XPO7: variants seen among roughly 807,000 people sequenced by gnomAD.
The protein encoded by XPO7 is exportin 7.
In XPO7, 21 loss-of-function variants were observed where a neutral mutation model predicts 144.3. The observed-to-expected ratio is 0.15, with a 90% confidence interval of 0.10 to 0.21. XPO7 has a LOEUF of 0.21. Ranked by LOEUF, XPO7 falls within the 10% of genes least tolerant of loss-of-function variation. The probability of loss-of-function intolerance (pLI) is 1.00; values close to 1 mark genes in which losing one functional copy is unlikely to be tolerated. For missense variants in XPO7, 808 were observed against 1,325.8 expected, an observed-to-expected ratio of 0.61 and a Z score of 6.06; for synonymous variants, 580 against 499.6, an observed-to-expected ratio of 1.16 and a Z score of -2.15.
intron 1 of XPO7, among the ~76,000 whole-genome samples, chr8:21,927,395 T>C (rs1412521935): frequency 1.3e-5 from 2 of 152,096 alleles, no homozygotes; most frequent in African/African-American, 4.8e-5. Context: ...GAGCAAGAAG[T>C]TTTAATTTCA....
intron 16 of XPO7, among the ~76,000 whole-genome samples, chr8:21,989,821 CTTTTTTTTTTTTTTT>C (rs1170364778): frequency 6.7e-5 from 4 of 59,674 alleles, no homozygotes; most frequent in Admixed American, 2.5e-4. Flanking sequence ...TAGGTGTTTC[CTTTTTTTTTTTTTTT>C]TTTTTTTTTT....
At position 21,986,199 on chromosome 8, in the gene XPO7, G is replaced by A. The variant is rs372147031; in HGVS notation, c.1577+508G>A. On this transcript the variant is annotated intron_variant, in intron 13 of 27. Coordinates refer to ENST00000252512, the MANE Select transcript of XPO7 (RefSeq NM_015024.5). ...GTCACCCAGGCCAGAGTGCAGTGGC[G>A]CTATCTTAGCTCACTGCAACCTCTG... 1.1e-4 allele frequency among the ~76,000 whole-genome samples: 16 copies of A among 149,524 alleles called. No individual in the cohort carries two copies. In the South Asian group the frequency reaches 3.2e-3, roughly 30 times the overall value.
intron 1 of XPO7, among the ~76,000 whole-genome samples, chr8:21,951,849 C>T (rs966745059): frequency 3.9e-5 from 6 of 152,104 alleles, no homozygotes; most frequent in African/African-American, 1.4e-4. Flanking sequence ...ACATTAATTA[C>T]GAGTCTTACA....
In XPO7 at chr8:21,984,752, G is replaced by A. The variant is rs983122073; in HGVS notation, c.1384G>A (p.Val462Met). Residue 462 changes from valine (V) to methionine (M), a missense_variant, in exon 12 of 28, where the codon GTG becomes ATG. Physicochemically the swap from Val to Met is conservative, Grantham distance 21 (BLOSUM62 1). This residue lies in a region of XPO7 where 416 missense variants were observed against 612.5 expected (regional missense o/e 0.68). Transcript: ENST00000252512. ...CEYEKTCALL[V>M]QLFDQSAQSY... ...ATATGAGAAGACGTGTGCACTCCTC[G>A]TGCAGTTGTTTGACCAGTCGGCCCA... 4.3e-6 allele frequency: 7 copies of A among 1,613,870 alleles called. No individual in the cohort carries two copies. The highest frequency in any genetic ancestry group is 2.2e-5 in the East Asian group (1 of 44,888).
intron 2 of XPO7, among the ~76,000 whole-genome samples, chr8:21,968,992 A>C: frequency 6.6e-6 from 1 of 152,238 alleles, no homozygotes; most frequent in Non-Finnish European, 1.5e-5. Context: ...AGCTGCGCTG[A>C]TGGAAAGATA....
intron 1 of XPO7, among the ~76,000 whole-genome samples, chr8:21,957,300 A>G (rs1383030569): frequency 3.9e-5 from 6 of 152,176 alleles, no homozygotes; most frequent in Non-Finnish European, 8.8e-5. Flanking sequence ...ACTGAGAGGC[A>G]TACAGTGAGG....
rs184332764 is a variant in XPO7 at position 21,945,732 on chromosome 8, A to G, written c.19-21125A>G. Among the ~76,000 whole-genome samples the G allele has an allele frequency of 1.4e-3, 215 of 152,370 alleles. 1 individual carries two copies. Among genetic ancestry groups the G allele is most frequent in the Non-Finnish European group, 2.1e-3 (144 of 68,038 alleles). On this transcript the variant is annotated intron_variant, in intron 1 of 27. Coordinates refer to ENST00000252512, the MANE Select transcript of XPO7 (RefSeq NM_015024.5). ...CCATTTCCTTTTGTATGGCAAACCA[A>G]TTATTCTGAAGTGCCTTATCACTGT...
At chr8:21,949,861 C>G (rs1048545570) in intron 1 of XPO7, among the ~76,000 whole-genome samples, 3 of 152,216 alleles carry the variant, frequency 2.0e-5, no homozygotes, top group African/African-American at 7.2e-5. Context: ...TCCCGAATAG[C>G]TGGAATTACA....
At chr8:21,988,891 T>C (rs1812663850) in intron 15 of XPO7, 112 bp from the exon 16 acceptor site, 3 of 825,888 alleles carry the variant, frequency 3.6e-6, no homozygotes, top group Admixed American at 5.2e-5. Context: ...TGTGAATTGG[T>C]GGTGCAGATG....
intron 1 of XPO7, among the ~76,000 whole-genome samples, chr8:21,942,568 TA>T (rs1811028853): frequency 6.6e-6 from 1 of 152,210 alleles, no homozygotes; most frequent in East Asian, 1.9e-4. Context: ...AAGTGTGTGA[TA>T]AAAATCCAGC....
chr8:21,969,988 C>A, intron 3 of XPO7, 156 bp from the exon 4 acceptor site: 1 of 831,786 alleles, frequency 1.2e-6, no homozygotes, highest in Non-Finnish European at 1.8e-6. Context: ...TTTAAAGTCC[C>A]ATTTGGAACA....
At chr8:21,921,166 T>G (rs946806977) in intron 1 of XPO7, among the ~76,000 whole-genome samples, 3 of 152,212 alleles carry the variant, frequency 2.0e-5, no homozygotes, top group Non-Finnish European at 4.4e-5. Flanking sequence ...ATAATAATAG[T>G]ATAGCACCTT....
At chr8:21,988,056 A>AG (rs1812639376) in intron 15 of XPO7, among the ~76,000 whole-genome samples, 199 bp downstream of exon 15, 1 of 152,206 alleles carries the variant, frequency 6.6e-6, no homozygotes, top group African/African-American at 2.4e-5. Context: ...TGTACAGGCA[A>AG]GGATTTAATT....
intron 6 of XPO7, 69 bp from the exon 7 acceptor site, chr8:21,976,287 G>T: frequency 6.4e-7 from 1 of 1,554,584 alleles, no homozygotes; most frequent in Middle Eastern, 1.7e-4. Flanking sequence ...TAACAGCTTT[G>T]TTGAGTCTGG....
chr8:21,920,858 G>A lies in XPO7; in HGVS notation c.18+1070G>A, dbSNP rs535179437. ...AAGAAGTGTCGCCTTTATATTCTGT[G>A]GCATCATTCCTCAAGTAAGAAGAAT... is the stretch of plus-strand genomic sequence containing the variant. On this transcript the variant is annotated intron_variant, in intron 1 of 27. Transcript: ENST00000252512. 6.6e-5 allele frequency among the ~76,000 whole-genome samples: 10 copies of A among 152,182 alleles called. 1 individual carries two copies. In the South Asian group the frequency reaches 2.1e-3, roughly 32 times the overall value.
intron 1 of XPO7, among the ~76,000 whole-genome samples, chr8:21,959,604 G>A (rs1811655121): frequency 6.6e-6 from 1 of 151,986 alleles, no homozygotes; most frequent in African/African-American, 2.4e-5. Context: ...AAGGATGTGA[G>A]TGTTACCAAT....
At chr8:21,984,520 A>C in intron 11 of XPO7, 126 bp from the exon 12 acceptor site, 1 of 855,542 alleles carries the variant, frequency 1.2e-6, no homozygotes, top group Non-Finnish European at 1.7e-6. Context: ...GGTTAAAAGT[A>C]ATGTCGGGAT....
At chr8:21,977,703 C>A in intron 7 of XPO7, 67 bp from the exon 8 acceptor site, 1 of 1,454,106 alleles carries the variant, frequency 6.9e-7, no homozygotes, top group Non-Finnish European at 9.6e-7. Flanking sequence ...ATGTATAGTG[C>A]TGGAAGTATG....
rs752994115 is a variant in XPO7, at chr8:22,006,085, G to A, written c.*997G>A. 2 of 152,122 alleles carry A rather than the reference G, an allele frequency of 1.3e-5. No homozygotes were observed. The highest frequency in any genetic ancestry group is 2.9e-5 in the Non-Finnish European group (2 of 68,008). The allele number at this position is 152,122 out of a possible 1,614,324, so 9.4% of individuals were successfully genotyped here. ...CCCCAGCCCTCGAGGCAGTGTGTGT[G>A]GATGTATGCGTGTGGATATTTATAT... is the stretch of plus-strand genomic sequence containing the variant. On this transcript the variant is annotated 3_prime_UTR_variant, in exon 28 of 28. Transcript: ENST00000252512.
Sources: gnomAD v4.1 joint callset for allele counts (sites outside exome capture counted in the v4.1 genomes callset) on GRCh38, gnomAD v4.1.1 for gene constraint, gnomAD v4.1.1 regional missense constraint, MANE v1.5 for transcripts, NCBI Gene and HGNC (gene_info 2026-07-23, HGNC 2026-07-21) for gene names.